Variants in IRAK1 observed in about 807,000 individuals in gnomAD.
The protein encoded by IRAK1 is interleukin 1 receptor associated kinase 1, also known as interleukin-1 receptor-associated kinase 1.
IRAK1 carries 9 observed loss-of-function variants against 49.8 expected under a neutral mutation model. The observed-to-expected ratio is 0.18, with a 90% CI of 0.11 to 0.32. The LOEUF (loss-of-function observed/expected upper bound fraction) is 0.32, where lower values mean the gene tolerates loss of function less well. Ranked by LOEUF, IRAK1 falls within the 10% of genes least tolerant of loss-of-function variation. IRAK1 has a pLI of 1.00. For missense variants in IRAK1, 418 were observed against 600.5 expected (o/e 0.70, Z 3.18); for synonymous variants, 282 against 270.8 (o/e 1.04, Z -0.41).
intron 11 of IRAK1, 35 bp from the exon 12 acceptor site, chrX:154,013,468 T>C (rs1557128200): frequency 7.0e-6 from 8 of 1,142,573 alleles, no homozygotes; most frequent in South Asian, 2.1e-5. Flanking sequence ...CAGGGTGAGA[T>C]GGCAGCCCTG....
chrX:154,019,016 G>A lies in IRAK1; in HGVS notation c.499C>T (p.Leu167=). Residue 167 remains leucine (L), a synonymous_variant, in exon 4 of 14, where the codon CTG becomes TTG. Transcript: ENST00000369980. ...ELGLVPSPAS[L]WPPPPSPAPS... Reference sequence around the variant, plus strand: ...GCTGGAGATGGCGGTGGAGGCCACAGGGAAGCAGGGCTTGGGACCAGGCCG... The same window carrying A: ...GCTGGAGATGGCGGTGGAGGCCACAAGGAAGCAGGGCTTGGGACCAGGCCG... 4 of 1,208,787 alleles carry A rather than the reference G, an allele frequency of 3.3e-6. No individual in the cohort carries two copies. The highest frequency in any genetic ancestry group is 3.5e-5 in the African/African-American group (2 of 57,877).
At position 154,016,349 on chromosome X, in the gene IRAK1, C is replaced by G. The variant is rs2065738566; in HGVS notation, c.1236+88G>C. 3.2e-6 allele frequency: 3 copies of G among 942,272 alleles called. No homozygotes were observed. In the African/African-American group the frequency reaches 5.7e-5, roughly 18 times the overall value. 77.7% of individuals were successfully genotyped at this position (942,272 alleles called of 1,213,427 possible). ...GCCTCCTGGGGTCTTGGCAGATGGCCCCTGGCCCGCAGTGCACTCTGCAGC... is the reference window on the plus strand; with the variant it reads ...GCCTCCTGGGGTCTTGGCAGATGGCGCCTGGCCCGCAGTGCACTCTGCAGC... On this transcript the variant is annotated intron_variant, in intron 9 of 13. Transcript: ENST00000369980.
At position 154,018,002 on chromosome X, in the gene IRAK1, C is replaced by T; in HGVS notation, c.909+4G>A. On this transcript the variant is annotated splice_donor_region_variant and intron_variant, in intron 7 of 13. Transcript: ENST00000369980. ...GGGAAGCGTGCCGGGCCAGGTGAGC[C>T]TACCTGGCAGTGGAGACGGTCCTCC... 8.5e-7 allele frequency: 1 copy of T among 1,174,285 alleles called. No individual in the cohort carries two copies. The highest frequency in any genetic ancestry group is 1.8e-5 in the South Asian group (1 of 56,205).
At chrX:154,017,095 G>A in intron 7 of IRAK1, 28 bp from the exon 8 acceptor site, 2 of 972,634 alleles carry the variant, frequency 2.1e-6, no homozygotes, top group Non-Finnish European at 3.0e-6. Flanking sequence ...GACAGGGGAG[G>A]TTGCTGGATG....
At position 154,017,012 on chromosome X, in the gene IRAK1, G is replaced by A. The variant is rs782105217; in HGVS notation, c.965C>T (p.Thr322Ile). The change falls in exon 8 of 14, where the codon ACA becomes ATA. Residue 322 changes from threonine to isoleucine, a missense_variant. By Grantham distance (89) the Thr-to-Ile change is moderately conservative. Around this residue, in one of 3 missense-constraint regions of IRAK1, gnomAD observed 377 missense variants for 499.5 expected, o/e 0.75. Coordinates refer to ENST00000369980, the MANE Select transcript of IRAK1 (RefSeq NM_001569.4). Reference protein sequence around the residue: ...WPQRLDILLGTARAIQFLHQD... With the variant: ...WPQRLDILLGIARAIQFLHQD... ...ATGTAGAAACTGAATTGCCCGGGCT[G>A]TACCCAGAAGGATGTCCAGTCGCTG... 6 of 1,211,276 alleles carry A rather than the reference G, an allele frequency of 5.0e-6. No individual in the cohort carries two copies. The highest frequency in any genetic ancestry group is 2.2e-5 in the Admixed American group (1 of 46,109).
At chrX:154,015,286 C>T (rs2065730956) in intron 10 of IRAK1, among the ~76,000 whole-genome samples, 1 of 111,771 alleles carries the variant, frequency 8.9e-6, no homozygotes, top group South Asian at 3.7e-4. Flanking sequence ...AGTCCAAGGA[C>T]CCCCAAGGAG....
intron 10 of IRAK1, among the ~76,000 whole-genome samples, chrX:154,015,368 G>C (rs1045503488): frequency 3.6e-5 from 4 of 112,636 alleles, no homozygotes; most frequent in Non-Finnish European, 5.6e-5. Context: ...GCTCAAGCCC[G>C]GCTCCTGGGT....
chrX:154,017,881 G>A (rs1347410331), intron 7 of IRAK1, 125 bp downstream of exon 7: 1 of 481,400 alleles, frequency 2.1e-6, no homozygotes, highest in Non-Finnish European at 3.7e-6. Context: ...AGCTGGAAGT[G>A]CAGGCCTGGC....
chrX:154,011,063 CTT>C lies in IRAK1; in HGVS notation c.*794_*795del, dbSNP rs1557127286. 2.6e-5 allele frequency: 9 copies of C among 341,064 alleles called. No homozygotes were observed. 28.1% of individuals were successfully genotyped at this position (341,064 alleles called of 1,213,427 possible). ...TTCTTGCTAGGACTGAACCATGAGA[CTT>C]ACAGCCATACTTCACTTTTCCCAGG... On this transcript the variant is annotated 3_prime_UTR_variant, in exon 14 of 14. Transcript: ENST00000369980.
chrX:154,019,285 C>T lies in IRAK1; in HGVS notation c.348G>A (p.Pro116=). Residue 116 remains proline (P), a synonymous_variant, in exon 3 of 14, where the codon CCG becomes CCA. Transcript: ENST00000369980. ...APLPSPGTTA[P]RPSSIPAPAE... is the part of the protein sequence containing the mutation. ...CGGGTGCAGGGATGCTGCTGGGCCTCGGGGCAGTGGTGCCTGGGGACGGAA... is the reference window on the plus strand; with the variant it reads ...CGGGTGCAGGGATGCTGCTGGGCCTTGGGGCAGTGGTGCCTGGGGACGGAA... 8.4e-7 allele frequency: 1 copy of T among 1,188,471 alleles called. No homozygotes were observed.
At position 154,014,005 on chromosome X, in the gene IRAK1, C is replaced by G. The variant is rs192714554; in HGVS notation, c.1539+37G>C. 9.6e-3 allele frequency: 11,338 copies of G among 1,185,903 alleles called. 52 individuals carry two copies. The highest frequency in any genetic ancestry group is 0.011 in the Non-Finnish European group (9,707 of 885,776). ...GAGCAAGGCCTGGAATGCGGGCTTTCTATCTGGCCACCCCGTCCCAGTGCG... is the reference window on the plus strand; with the variant it reads ...GAGCAAGGCCTGGAATGCGGGCTTTGTATCTGGCCACCCCGTCCCAGTGCG... On this transcript the variant is annotated intron_variant, in intron 11 of 13. Coordinates refer to ENST00000369980, the MANE Select transcript of IRAK1 (RefSeq NM_001569.4).
intron 5 of IRAK1, 27 bp downstream of exon 5, chrX:154,018,572 G>A: frequency 1.2e-5 from 14 of 1,155,912 alleles, no homozygotes; most frequent in Non-Finnish European, 1.6e-5. Context: ...TGGCCTTCCA[G>A]GGTCCCTGCC....
chrX:154,017,143 C>A, intron 7 of IRAK1, 76 bp from the exon 8 acceptor site: 1 of 661,275 alleles, frequency 1.5e-6, no homozygotes. Context: ...TACCTGTCAC[C>A]GTGCAGCCTG....
In IRAK1 at chrX:154,018,777, T is replaced by G; in HGVS notation, c.551A>C (p.Glu184Ala). ...TCCCTGCAGGAGGGACACTGAGCTCTCTGGGCCTGGCTGTGGGAAGAGAGC... is the reference window on the plus strand; with the variant it reads ...TCCCTGCAGGAGGGACACTGAGCTCGCTGGGCCTGGCTGTGGGAAGAGAGC... ...PAPSSTKPGP[E>A]SSVSLLQGAR... is the part of the protein sequence containing the mutation. The change falls in exon 5 of 14, where the codon GAG becomes GCG. Residue 184 changes from glutamate (E) to alanine (A), a missense_variant. By Grantham distance (107) the Glu-to-Ala change is moderately radical. Transcript: ENST00000369980. 1.2e-6 allele frequency: 1 copy of G among 847,182 alleles called. No homozygotes were observed. The highest frequency in any genetic ancestry group is 1.8e-6 in the Non-Finnish European group (1 of 564,719). 69.8% of individuals were successfully genotyped at this position (847,182 alleles called of 1,213,427 possible).
Position 154,012,458 on chromosome X carries a change from C to A in IRAK1, c.2080+71G>T, listed in dbSNP as rs1250648959. ...CCCCACGCCCTCAGCGCAGTCGGGA[C>A]AGACACTCTGCTCTTTGGGGCTGAC... On this transcript the variant is annotated intron_variant, in intron 13 of 13. Coordinates refer to ENST00000369980, the MANE Select transcript of IRAK1 (RefSeq NM_001569.4). 8.9e-6 allele frequency: 10 copies of A among 1,124,766 alleles called. No individual in the cohort carries two copies. In the South Asian group the frequency reaches 1.2e-4, roughly 14 times the overall value. 92.7% of individuals were successfully genotyped at this position (1,124,766 alleles called of 1,213,427 possible). A position where few individuals can be genotyped will look rare whatever the true frequency, so the allele number is the denominator to read the frequency against.
At position 154,011,616 on chromosome X, in the gene IRAK1, C is replaced by A. The variant is rs1164315660; in HGVS notation, c.*243G>T. On this transcript the variant is annotated 3_prime_UTR_variant, in exon 14 of 14. Transcript: ENST00000369980. ...GCAGCCAGCAGCCTCCCAACATGCG[C>A]CAGCCTCCTCACTGGATGATGCCAG... 8 of 463,929 alleles carry A rather than the reference C, an allele frequency of 1.7e-5. No homozygotes were observed. The highest frequency in any genetic ancestry group is 2.7e-5 in the Non-Finnish European group (7 of 257,804). The allele number at this position is 463,929 out of a possible 1,213,427, so 38.2% of individuals were successfully genotyped here. A position where few individuals can be genotyped will look rare whatever the true frequency, so the allele number is the denominator to read the frequency against.
chrX:154,018,274 TC>T lies in IRAK1; in HGVS notation c.794+16del. 1 of 1,142,264 alleles carries T rather than the reference TC, an allele frequency of 8.8e-7. No individual in the cohort carries two copies. The highest frequency in any genetic ancestry group is 1.2e-6 in the Non-Finnish European group (1 of 849,854). 94.1% of individuals were successfully genotyped at this position (1,142,264 alleles called of 1,213,427 possible). On this transcript the variant is annotated intron_variant, in intron 6 of 13. Transcript: ENST00000369980. ...GAAGCCCCACGGGACCTGGTGTGGC[TC>T]CCCCTCTGGCCTCACCTGGACAGCT...
Position 154,019,609 on chromosome X carries a change from G to A in IRAK1, c.137-11C>T, listed in dbSNP as rs1375968200. 2.0e-6 allele frequency: 2 copies of A among 992,548 alleles called. No homozygotes were observed. The highest frequency in any genetic ancestry group is 2.0e-5 in the African/African-American group (1 of 49,358). The allele number at this position is 992,548 out of a possible 1,213,427, so 81.8% of individuals were successfully genotyped here. A position where few individuals can be genotyped will look rare whatever the true frequency, so the allele number is the denominator to read the frequency against. On this transcript the variant is annotated splice_polypyrimidine_tract_variant and intron_variant, in intron 1 of 13. Transcript: ENST00000369980. ...GCACGATCAGGGCGGCTGCGGGGCG[G>A]GGGGCGTCAGGCGTCGGCGCCAGGA...
At position 154,018,312 on chromosome X, in the gene IRAK1, G is replaced by C; in HGVS notation, c.773C>G (p.Thr258Ser). ...EWTAVKQSFLTEVEQLSRFRH... is the reference protein window; with the variant it reads ...EWTAVKQSFLSEVEQLSRFRH... ...TCACCTGGACAGCTGCTCCACCTCG[G>C]TCAGGAAGCTCTGCTTCACTGCAGT... is the stretch of plus-strand genomic sequence containing the variant. The change falls in exon 6 of 14, where the codon ACC (threonine) becomes AGC (serine). Residue 258 changes from threonine (T) to serine (S), a missense_variant. Thr to Ser is a moderately conservative substitution (Grantham distance 58, BLOSUM62 1). This residue lies in a region of IRAK1 where 377 missense variants were observed against 499.5 expected (regional missense o/e 0.75). Coordinates refer to ENST00000369980, the MANE Select transcript of IRAK1 (RefSeq NM_001569.4). The C allele has an allele frequency of 1.7e-6, 2 of 1,166,471 alleles. No individual in the cohort carries two copies. The highest frequency in any genetic ancestry group is 2.3e-6 in the Non-Finnish European group (2 of 871,448).
Sources: gnomAD v4.1 joint callset for allele counts (sites outside exome capture counted in the v4.1 genomes callset) on GRCh38, gnomAD v4.1.1 for gene constraint, gnomAD v4.1.1 regional missense constraint, MANE v1.5 for transcripts, NCBI Gene and HGNC (gene_info 2026-07-23, HGNC 2026-07-21) for gene names.